The following PHLPP2 variants were observed in gnomAD, a reference collection of about 807,000 sequenced individuals.
PHLPP2 encodes PH domain and leucine rich repeat protein phosphatase 2, also known as PH domain leucine-rich repeat-containing protein phosphatase 2.
In PHLPP2, 66 loss-of-function variants were observed where a neutral mutation model predicts 124.9. The observed-to-expected ratio is 0.53, with a 90% CI of 0.43 to 0.65. The LOEUF is 0.65. PHLPP2 is among the 30% of genes least tolerant of loss of function. The pLI is 0.00. For synonymous variants in PHLPP2, 681 were observed against 624.7 expected, an observed-to-expected ratio of 1.09 and a Z score of -1.34; for missense variants, 1,685 against 1,600.4, an observed-to-expected ratio of 1.05 and a Z score of -0.90.
intron 3 of PHLPP2, among the ~76,000 whole-genome samples, chr16:71,696,028 C>A (rs1003691809): frequency 1.1e-4 from 17 of 151,584 alleles, no homozygotes; most frequent in Middle Eastern, 3.4e-3. Flanking sequence ...TAGTTAAACA[C>A]CCAATGTTTT....
rs189696685 is a variant in PHLPP2 at position 71,658,321 on chromosome 16, G to C, written c.2191C>G (p.Pro731Ala). Residue 731 changes from proline to alanine, a missense_variant, in exon 15 of 19, where the codon CCA becomes GCA. Pro to Ala is a conservative substitution (Grantham distance 27). Transcript: ENST00000568954. The part of the protein sequence containing the change: ...SCNDLTEILI[P>A]EALPATLQDL... ...TGTAATGTAGCAGGCAAAGCCTCTG[G>C]AATCAGGATTTCTGTCAAGTCGTTG... The C allele has an allele frequency of 2.7e-5, 43 of 1,613,694 alleles. 1 individual carries two copies. In the Admixed American group the frequency reaches 5.7e-4, roughly 21 times the overall value.
rs578259951 is a variant in PHLPP2 at position 71,655,866 on chromosome 16, A to G, written c.2391-432T>C. Reference sequence around the variant, plus strand: ...AGCAAATCGTAATCTACACGTAAGAAAAGTCCCTAGACATGATAATTAAGC... The same window carrying G: ...AGCAAATCGTAATCTACACGTAAGAGAAGTCCCTAGACATGATAATTAAGC... On this transcript the variant is annotated intron_variant, in intron 16 of 18. Transcript: ENST00000568954. Among the ~76,000 whole-genome samples, 416 of 152,330 alleles carry G rather than the reference A, an allele frequency of 2.7e-3. 2 individuals are homozygous for G. Among genetic ancestry groups the G allele is most frequent in the South Asian group, 0.016 (77 of 4,832 alleles).
chr16:71,698,082 C>T (rs969304028), intron 3 of PHLPP2, among the ~76,000 whole-genome samples: 4 of 152,022 alleles, frequency 2.6e-5, no homozygotes, highest in Non-Finnish European at 4.4e-5. Context: ...CTCCTGACCT[C>T]GTGATCCGCC....
rs977827430 is a variant in PHLPP2, at chr16:71,655,399, G to C, written c.2426C>G (p.Ala809Gly). ...GCCATACACAGCTCCCACCCCCTCT[G>C]CAAAGCTATCCATAGCAAGTGCTGA... is the stretch of plus-strand genomic sequence containing the variant. ...CVSALAMDSFAEGVGAVYGMF... is the reference protein window; with the variant it reads ...CVSALAMDSFGEGVGAVYGMF... The change falls in exon 17 of 19, where the codon GCA becomes GGA. Residue 809 changes from alanine to glycine, a missense_variant. Ala to Gly is a moderately conservative substitution (Grantham distance 60, BLOSUM62 0). Transcript: ENST00000568954. The C allele has an allele frequency of 1.2e-6, 2 of 1,613,864 alleles. No individual in the cohort carries two copies. The highest frequency in any genetic ancestry group is 1.7e-6 in the Non-Finnish European group (2 of 1,179,922).
rs188134437 is a variant in PHLPP2, at chr16:71,703,967, G to A, written c.285-1236C>T. Reference sequence around the variant, plus strand: ...AACAACCAAAAGCAAGCACAGGAAAGTCCGTATGTGTTCAAAAGGTCTGAA... The same window carrying A: ...AACAACCAAAAGCAAGCACAGGAAAATCCGTATGTGTTCAAAAGGTCTGAA... On this transcript the variant is annotated intron_variant, in intron 2 of 18. Transcript: ENST00000568954. Among the ~76,000 whole-genome samples the A allele has an allele frequency of 5.7e-3, 874 of 152,260 alleles. 6 individuals carry two copies. Among genetic ancestry groups the A allele is most frequent in the Middle Eastern group, 0.014 (4 of 294 alleles).
chr16:71,648,779 C>T lies in PHLPP2; in HGVS notation c.*111G>A. 2.4e-6 allele frequency: 2 copies of T among 847,248 alleles called. No individual in the cohort carries two copies. Among genetic ancestry groups the T allele is most frequent in the Non-Finnish European group, 3.7e-6 (2 of 536,240 alleles). The allele number at this position is 847,248 out of a possible 1,614,324, so 52.5% of individuals were successfully genotyped here. A position where few individuals can be genotyped will look rare whatever the true frequency, so the allele number is the denominator to read the frequency against. On this transcript the variant is annotated 3_prime_UTR_variant, in exon 19 of 19. Coordinates refer to ENST00000568954, the MANE Select transcript of PHLPP2 (RefSeq NM_015020.3). ...GAGCAAGACTCCGTCTCAAAACAAA[C>T]AAACAAAAAAAAAACGAACAAACAA...
intron 3 of PHLPP2, among the ~76,000 whole-genome samples, chr16:71,694,844 G>C (rs2145359269): frequency 6.6e-6 from 1 of 152,000 alleles, no homozygotes; most frequent in African/African-American, 2.4e-5. Context: ...GAGTGCAGTG[G>C]CTCGATCTTG....
chr16:71,691,478 A>G (rs2045112443), intron 3 of PHLPP2, among the ~76,000 whole-genome samples: 1 of 101,040 alleles, frequency 9.9e-6, no homozygotes, highest in Non-Finnish European at 2.2e-5. Flanking sequence ...TAAATAAATA[A>G]ATAAATAAAT....
At chr16:71,657,189 C>T (rs900445515) in intron 15 of PHLPP2, among the ~76,000 whole-genome samples, 2 of 151,694 alleles carry the variant, frequency 1.3e-5, no homozygotes, top group Non-Finnish European at 2.9e-5. Context: ...GTGATCCGCC[C>T]GCCTCGGCCT....
intron 1 of PHLPP2, 194 bp downstream of exon 1, chr16:71,724,135 C>T (rs906183600): frequency 7.2e-5 from 11 of 152,946 alleles, no homozygotes; most frequent in African/African-American, 2.7e-4. Context: ...CACTGCCCGC[C>T]GCCCTAGGCT....
intron 3 of PHLPP2, among the ~76,000 whole-genome samples, chr16:71,691,187 C>T (rs1208907207): frequency 6.6e-6 from 1 of 152,216 alleles, no homozygotes; most frequent in African/African-American, 2.4e-5. Flanking sequence ...GCTGCAGTGG[C>T]TCCCGCCTGC....
intron 9 of PHLPP2, 103 bp from the exon 10 acceptor site, chr16:71,672,425 T>C: frequency 1.2e-6 from 1 of 810,382 alleles, no homozygotes; most frequent in South Asian, 1.5e-5. Flanking sequence ...GAGAGAAAAC[T>C]GATGTATTCT....
intron 2 of PHLPP2, among the ~76,000 whole-genome samples, chr16:71,707,439 G>A (rs1015434437): frequency 2.6e-5 from 4 of 152,204 alleles, no homozygotes; most frequent in South Asian, 2.1e-4. Context: ...TCAGGACAGC[G>A]GCTGGTCACC....
intron 16 of PHLPP2, among the ~76,000 whole-genome samples, chr16:71,656,365 T>G (rs2044741881): frequency 1.3e-5 from 2 of 152,210 alleles, no homozygotes; most frequent in African/African-American, 2.4e-5. Flanking sequence ...AAGGGGGTGT[T>G]TGGTATTCTG....
Position 71,663,935 on chromosome 16 carries a change from T to G in PHLPP2, c.1949A>C (p.His650Pro). Residue 650 changes from histidine (H) to proline (P), a missense_variant, in exon 13 of 19, where the codon CAC (histidine) becomes CCC (proline). By Grantham distance (77) the His-to-Pro change is moderately conservative. Transcript: ENST00000568954. ...LVGHLHLRIL[H>P]LANNQLQTFP... is the part of the protein sequence containing the mutation. Reference sequence around the variant, plus strand: ...GGTCTGTAACTGATTGTTTGCAAGGTGCAAGATTCGCAGGTGCAGGTGCCC... The same window carrying G: ...GGTCTGTAACTGATTGTTTGCAAGGGGCAAGATTCGCAGGTGCAGGTGCCC... 1 of 1,614,160 alleles carries G rather than the reference T, an allele frequency of 6.2e-7. No homozygotes were observed. Among genetic ancestry groups the G allele is most frequent in the Non-Finnish European group, 8.5e-7 (1 of 1,179,970 alleles).
intron 3 of PHLPP2, among the ~76,000 whole-genome samples, chr16:71,695,405 C>T (rs532023922): frequency 9.2e-5 from 14 of 152,210 alleles, no homozygotes; most frequent in African/African-American, 3.4e-4. Context: ...CAATACTATG[C>T]CCCTGAAAGA....
intron 17 of PHLPP2, among the ~76,000 whole-genome samples, chr16:71,654,459 T>C (rs141178336): frequency 1.3e-5 from 2 of 152,338 alleles, no homozygotes; most frequent in Non-Finnish European, 2.9e-5. Flanking sequence ...TGTATTTTGA[T>C]CTTTTCCTGG....
chr16:71,671,732 G>C (rs1346591587), intron 10 of PHLPP2, among the ~76,000 whole-genome samples: 1 of 151,968 alleles, frequency 6.6e-6, no homozygotes, highest in Non-Finnish European at 1.5e-5. Context: ...GGCTAATGCA[G>C]TGAAACCCCA....
intron 2 of PHLPP2, among the ~76,000 whole-genome samples, chr16:71,708,072 C>T (rs1051425616): frequency 1.3e-5 from 2 of 152,154 alleles, no homozygotes; most frequent in African/African-American, 4.8e-5. Context: ...GTGTCCACGC[C>T]GCCCCTAATC....
Sources: gnomAD v4.1 joint callset for allele counts (sites outside exome capture counted in the v4.1 genomes callset) on GRCh38, gnomAD v4.1.1 for gene constraint, MANE v1.5 for transcripts, NCBI Gene and HGNC (gene_info 2026-07-23, HGNC 2026-07-21) for gene names.